PAX2: variants seen among roughly 807,000 people sequenced by gnomAD.
The protein encoded by PAX2 is paired box 2.
Under a neutral mutation model 41.7 loss-of-function variants are expected in PAX2, and 9 were observed. That is an observed-to-expected ratio of 0.22 (90% confidence interval 0.13 to 0.38). The LOEUF is 0.38. Ranked by LOEUF, PAX2 falls within the 10% of genes least tolerant of loss-of-function variation. PAX2 has a pLI of 1.00. For missense variants in PAX2, 418 were observed against 531.6 expected (o/e 0.79, Z 2.10); for synonymous variants, 221 against 212.7 (o/e 1.04, Z -0.34).
intron 7 of PAX2, among the ~76,000 whole-genome samples, chr10:100,809,951 C>A (rs550053867): frequency 3.3e-5 from 5 of 152,346 alleles, no homozygotes; most frequent in Non-Finnish European, 7.3e-5. Context: ...GAGCTCCAGG[C>A]TGTGGAATGC....
chr10:100,809,233 A>ACTGGTAAAGGGTGGGGGGG lies in PAX2; in HGVS notation c.919+4_919+5insAGGGTGGGGGGGCTGGTAA. ...AGGCACACAGACATACCCAGTTGTGACTGGTAAGGGGGCTTCCAGGAGGGT... is the reference window on the plus strand; with the variant it reads ...AGGCACACAGACATACCCAGTTGTGACTGGTAAAGGGTGGGGGGGCTGGTAAGGGGGCTTCCAGGAGGGT... On this transcript the variant is annotated frameshift_variant, in exon 7 of 10. Transcript: ENST00000355243. LOFTEE classifies it high-confidence loss of function. The ACTGGTAAAGGGTGGGGGGG allele has an allele frequency of 6.2e-7, 1 of 1,613,528 alleles. No homozygotes were observed. The highest frequency in any genetic ancestry group is 8.5e-7 in the Non-Finnish European group (1 of 1,179,808).
chr10:100,753,194 T>A (rs1339611764), intron 3 of PAX2, among the ~76,000 whole-genome samples: 3 of 152,204 alleles, frequency 2.0e-5, no homozygotes, highest in African/African-American at 7.2e-5. Flanking sequence ...CATGGCTGGC[T>A]TTGTCTACAA....
chr10:100,755,572 G>A lies in PAX2; in HGVS notation c.410+4681G>A, dbSNP rs111513832. On this transcript the variant is annotated intron_variant, in intron 3 of 9. Coordinates refer to ENST00000355243, the MANE Select transcript of PAX2 (RefSeq NM_000278.5). ...AACCTACTCAATTGCTTTTATTATC[G>A]CTCAGGCTGCCTCCATTTATTACCG... 2.5e-3 allele frequency among the ~76,000 whole-genome samples: 376 copies of A among 152,224 alleles called. 1 individual carries two copies. Among genetic ancestry groups the A allele is most frequent in the African/African-American group, 8.2e-3 (341 of 41,518 alleles).
chr10:100,750,393 G>A lies in PAX2; in HGVS notation c.213-301G>A, dbSNP rs1478114060. ...TCCCAGAGACCTTGCAGCGCTGTTCGTTTTGCTCTTCCCAAGTGAAAGGCT... is the reference window on the plus strand; with the variant it reads ...TCCCAGAGACCTTGCAGCGCTGTTCATTTTGCTCTTCCCAAGTGAAAGGCT... On this transcript the variant is annotated intron_variant, in intron 2 of 9. Coordinates refer to ENST00000355243, the MANE Select transcript of PAX2 (RefSeq NM_000278.5). The surrounding 1 kb of genome is among the most constrained non-coding windows in gnomAD (Gnocchi z 4.1). Among the ~76,000 whole-genome samples, 3 of 152,134 alleles carry A rather than the reference G, an allele frequency of 2.0e-5. No individual in the cohort carries two copies. Among genetic ancestry groups the A allele is most frequent in the East Asian group, 3.9e-4 (2 of 5,172 alleles).
At chr10:100,787,706 A>G (rs559941605) in intron 5 of PAX2, among the ~76,000 whole-genome samples, 1 of 152,204 alleles carries the variant, frequency 6.6e-6, no homozygotes, top group South Asian at 2.1e-4. Flanking sequence ...GGGTTGCAGC[A>G]TCGTCAATTC....
intron 5 of PAX2, among the ~76,000 whole-genome samples, chr10:100,785,493 G>A (rs192269687): frequency 4.6e-5 from 7 of 152,310 alleles, no homozygotes; most frequent in South Asian, 2.1e-4. Flanking sequence ...GCAGTTGTGC[G>A]TTTGCAGGCA....
In PAX2 at chr10:100,801,303, C is replaced by T. The variant is rs141652010; in HGVS notation, c.617-5127C>T. ...AGAGTGGTTGGGAAGCCCATATAACCTAAGATCTATGAAGACCTTTTGTTA... is the reference window on the plus strand; with the variant it reads ...AGAGTGGTTGGGAAGCCCATATAACTTAAGATCTATGAAGACCTTTTGTTA... On this transcript the variant is annotated intron_variant, in intron 5 of 9. Transcript: ENST00000355243. 3.9e-5 allele frequency among the ~76,000 whole-genome samples: 6 copies of T among 152,354 alleles called. No individual in the cohort carries two copies. The East Asian group carries it at 1.2e-3, about 29-fold the overall frequency.
intron 3 of PAX2, 78 bp from the exon 4 acceptor site, chr10:100,779,420 C>G: frequency 8.2e-7 from 1 of 1,219,248 alleles, no homozygotes; most frequent in Non-Finnish European, 1.2e-6. Context: ...GGAGAGAGCC[C>G]CTTTGCAGGG....
intron 5 of PAX2, among the ~76,000 whole-genome samples, chr10:100,801,374 C>T (rs1410715700): frequency 6.6e-6 from 1 of 152,228 alleles, no homozygotes; most frequent in Non-Finnish European, 1.5e-5. Flanking sequence ...ACAATATGAG[C>T]TTTGTTATCC....
In PAX2 at chr10:100,827,647, G is replaced by A. The variant is rs751999705; in HGVS notation, c.*28G>A. 3.1e-6 allele frequency: 5 copies of A among 1,613,770 alleles called. No homozygotes were observed. The highest frequency in any genetic ancestry group is 4.2e-6 in the Non-Finnish European group (5 of 1,179,928). On this transcript the variant is annotated 3_prime_UTR_variant, in exon 10 of 10. Coordinates refer to ENST00000355243, the MANE Select transcript of PAX2 (RefSeq NM_000278.5). The surrounding 1 kb of genome is among the most constrained non-coding windows in gnomAD (Gnocchi z 8.5). ...ACCGCGGGGACCACATCAAGCTTCA[G>A]GCCGACAGCTTCGGCCTCCACATCG...
upstream of PAX2, among the ~76,000 whole-genome samples, chr10:100,742,330 C>T (rs1390874940): frequency 7.3e-6 from 1 of 136,796 alleles, no homozygotes; most frequent in Non-Finnish European, 1.6e-5. Context: ...CTTGGGGCGC[C>T]GGTGCGTGGG....
chr10:100,759,051 A>G (rs1845744136), intron 3 of PAX2, among the ~76,000 whole-genome samples: 2 of 152,114 alleles, frequency 1.3e-5, no homozygotes, highest in Non-Finnish European at 2.9e-5. Flanking sequence ...TGGGCTGGAC[A>G]GGGTTGTTCG....
intron 8 of PAX2, among the ~76,000 whole-genome samples, chr10:100,825,354 C>T (rs1848513091): frequency 6.6e-6 from 1 of 152,150 alleles, no homozygotes; most frequent in South Asian, 2.1e-4. Flanking sequence ...CAGAGGCACC[C>T]AGCCTTCCAT....
chr10:100,787,061 G>C, intron 5 of PAX2: 1 of 1,112,722 alleles, frequency 9.0e-7, no homozygotes, highest in Non-Finnish European at 1.3e-6. Flanking sequence ...AAATAGCTTG[G>C]GGGTGGCGGT....
chr10:100,828,068 C>T lies in PAX2; in HGVS notation c.*449C>T. The T allele has an allele frequency of 4.2e-6, 1 of 236,416 alleles. No individual in the cohort carries two copies. Among genetic ancestry groups the T allele is most frequent in the Non-Finnish European group, 8.2e-6 (1 of 121,490 alleles). The allele number at this position is 236,416 out of a possible 1,614,324, so 14.6% of individuals were successfully genotyped here. ...CAGCCCCGGGCACCCGCCTCGGACG[C>T]TCGGGCGCCAGGAGGCTTCGCTGGA... On this transcript the variant is annotated 3_prime_UTR_variant, in exon 10 of 10. Transcript: ENST00000355243. This position sits in a 1 kb window ranked among gnomAD's most constrained non-coding sequence, Gnocchi z 6.5.
In PAX2 at chr10:100,791,436, C is replaced by G. The variant is rs1167220780; in HGVS notation, c.616+10071C>G. Among the ~76,000 whole-genome samples the G allele has an allele frequency of 6.6e-6, 1 of 152,196 alleles. No individual in the cohort carries two copies. Among genetic ancestry groups the G allele is most frequent in the African/African-American group, 2.4e-5 (1 of 41,446 alleles). On this transcript the variant is annotated intron_variant, in intron 5 of 9. Coordinates refer to ENST00000355243, the MANE Select transcript of PAX2 (RefSeq NM_000278.5). The surrounding 1 kb of genome is among the most constrained non-coding windows in gnomAD (Gnocchi z 4.5). Reference sequence around the variant, plus strand: ...GGGCAGCAGTAGAATGTGATCCAGACAGCAGACAAGGGGAGGGAAGAGAAG... The same window carrying G: ...GGGCAGCAGTAGAATGTGATCCAGAGAGCAGACAAGGGGAGGGAAGAGAAG...
intron 7 of PAX2, among the ~76,000 whole-genome samples, chr10:100,811,127 G>A (rs1191106520): frequency 1.3e-5 from 2 of 152,134 alleles, no homozygotes; most frequent in Non-Finnish European, 2.9e-5. Flanking sequence ...AGACAAGTGT[G>A]TGGAGAGGTG....
intron 3 of PAX2, among the ~76,000 whole-genome samples, chr10:100,775,882 C>G (rs930232801): frequency 6.6e-6 from 1 of 152,202 alleles, no homozygotes; most frequent in African/African-American, 2.4e-5. Flanking sequence ...ATCTTCCCTC[C>G]AACTCTTGGG....
chr10:100,758,265 C>T (rs1031083883), intron 3 of PAX2, among the ~76,000 whole-genome samples: 2 of 151,828 alleles, frequency 1.3e-5, no homozygotes, highest in African/African-American at 2.4e-5. Context: ...CTCAACCTCC[C>T]GAGTAGCTGG....
Sources: gnomAD v4.1 joint callset for allele counts (sites outside exome capture counted in the v4.1 genomes callset) on GRCh38, gnomAD v4.1.1 for gene constraint, Gnocchi (gnomAD v3.1) non-coding constraint, MANE v1.5 for transcripts, NCBI Gene and HGNC (gene_info 2026-07-23, HGNC 2026-07-21) for gene names.